ZAN: variants seen among roughly 807,000 people sequenced by gnomAD.
The protein encoded by ZAN is zonadhesin (gene/pseudogene).
A neutral mutation model predicts 286.2 loss-of-function variants in ZAN; 260 were observed. The observed-to-expected ratio is 0.91, with a 90% CI of 0.82 to 1.01. ZAN has a LOEUF of 1.01. Ranked by LOEUF, ZAN falls within the 50% of genes least tolerant of loss-of-function variation. The pLI is 0.00. For synonymous variants in ZAN, 1,368 were observed against 1,417.5 expected, an observed-to-expected ratio of 0.97 and a Z score of 0.79; for missense variants, 3,410 against 3,639.2, an observed-to-expected ratio of 0.94 and a Z score of 1.62.
chr7:100,736,344 C>T, intron 3 of ZAN, 139 bp from the exon 4 acceptor site: 1 of 1,021,302 alleles, frequency 9.8e-7, no homozygotes, highest in East Asian at 2.5e-5. Flanking sequence ...GCTGGGACTA[C>T]AGGTGTGCGC....
chr7:100,758,158 C>G (rs754482890), intron 15 of ZAN, 44 bp from the exon 16 acceptor site: 9 of 1,528,336 alleles, frequency 5.9e-6, no homozygotes, highest in Non-Finnish European at 7.9e-6. Flanking sequence ...GAGAAGTACT[C>G]TAGGAGCTAT....
chr7:100,791,590 A>G (rs1205982921), intron 40 of ZAN, among the ~76,000 whole-genome samples: 1 of 151,784 alleles, frequency 6.6e-6, no homozygotes, highest in African/African-American at 2.4e-5. Flanking sequence ...TATTTTTAGT[A>G]GAGACAGGGT....
At chr7:100,746,905 TC>T (rs1808262026) in intron 8 of ZAN, among the ~76,000 whole-genome samples, 1 of 151,768 alleles carries the variant, frequency 6.6e-6, no homozygotes, top group Admixed American at 6.6e-5. Context: ...ATCGAGACCA[TC>T]CTGGCTAACA....
At position 100,767,418 on chromosome 7, in the gene ZAN, C is replaced by T. The variant is rs186013396; in HGVS notation, c.4860+161C>T. ...CTCTTCTCTGGACTCCCTCCTCCCTCTGTGAAATACCCACCAGCACCAGCC... is the reference window on the plus strand; with the variant it reads ...CTCTTCTCTGGACTCCCTCCTCCCTTTGTGAAATACCCACCAGCACCAGCC... On this transcript the variant is annotated intron_variant, in intron 25 of 47. Transcript: ENST00000613979. Among the ~76,000 whole-genome samples the T allele has an allele frequency of 2.9e-4, 43 of 149,570 alleles. No homozygotes were observed. The East Asian group carries it at 7.9e-3, about 27-fold the overall frequency.
intron 15 of ZAN, among the ~76,000 whole-genome samples, 188 bp downstream of exon 15, chr7:100,755,598 G>A (rs1013612282): frequency 1.3e-4 from 20 of 152,242 alleles, no homozygotes; most frequent in Non-Finnish European, 2.1e-4. Context: ...TTGAGACAGG[G>A]TCTCGCTTTG....
intron 24 of ZAN, 105 bp from the exon 25 acceptor site, chr7:100,766,905 G>T: frequency 6.5e-7 from 1 of 1,547,648 alleles, no homozygotes; most frequent in Non-Finnish European, 8.7e-7. Flanking sequence ...CTGTGGGTGG[G>T]CCGTGGGGAC....
rs1401942471 is a variant in ZAN at position 100,739,021 on chromosome 7, T to TC, written c.766+408_766+409insC. On this transcript the variant is annotated intron_variant, in intron 7 of 47. Coordinates refer to ENST00000613979, the MANE Select transcript of ZAN (RefSeq NM_003386.3). ...TCCTTCTCCTTCTTCTTTTTCTTTT[T>TC]TTTTTTTTGAAGCAGAGTCTCGTTC... 3.0e-5 allele frequency among the ~76,000 whole-genome samples: 2 copies of TC among 67,304 alleles called. 1 individual carries two copies. Among genetic ancestry groups the TC allele is most frequent in the Non-Finnish European group, 9.5e-5 (2 of 21,110 alleles). 44.2% of individuals were successfully genotyped at this position (67,304 alleles called of 152,430 possible).
At chr7:100,766,888 A>G in intron 24 of ZAN, 122 bp from the exon 25 acceptor site, 1 of 1,523,138 alleles carries the variant, frequency 6.6e-7, no homozygotes, top group Non-Finnish European at 8.9e-7. Flanking sequence ...CTAGGGAAAC[A>G]CCACATCTGT....
At chr7:100,754,181 A>C (rs1808986170) in intron 14 of ZAN, among the ~76,000 whole-genome samples, 2 of 152,068 alleles carry the variant, frequency 1.3e-5, no homozygotes. Flanking sequence ...ATTTCTGGCC[A>C]GGCACGGTGG....
intron 45 of ZAN, 145 bp from the exon 46 acceptor site, chr7:100,797,221 T>C: frequency 1.4e-6 from 1 of 738,858 alleles, no homozygotes; most frequent in Non-Finnish European, 2.3e-6. Context: ...GGTGAGAACC[T>C]CCTGGAGGAA....
chr7:100,744,419 C>A (rs1351830372), intron 7 of ZAN, among the ~76,000 whole-genome samples: 2 of 150,260 alleles, frequency 1.3e-5, no homozygotes, highest in African/African-American at 4.9e-5. Context: ...GCCAACATAG[C>A]GAAACCCGTC....
At position 100,768,732 on chromosome 7, in the gene ZAN, G is replaced by A. The variant is rs1242023915; in HGVS notation, c.5153+11G>A. 1.9e-6 allele frequency: 3 copies of A among 1,580,544 alleles called. No homozygotes were observed. Among genetic ancestry groups the A allele is most frequent in the Non-Finnish European group, 2.6e-6 (3 of 1,162,978 alleles). ...ATCCTCTGAACCTGGGTGAGCTGGG[G>A]GTCAGGGGAGCCAGGCAGGAGGGGC... On this transcript the variant is annotated intron_variant, in intron 27 of 47. Transcript: ENST00000613979.
At chr7:100,793,432 G>A (rs1272874655) in intron 42 of ZAN, among the ~76,000 whole-genome samples, 2 of 152,030 alleles carry the variant, frequency 1.3e-5, no homozygotes, top group African/African-American at 4.8e-5. Flanking sequence ...AACGCTGAGT[G>A]TTTTTGTTTT....
At chr7:100,780,052 G>A (rs1442208151) in intron 35 of ZAN, among the ~76,000 whole-genome samples, 1 of 152,052 alleles carries the variant, frequency 6.6e-6, no homozygotes, top group Non-Finnish European at 1.5e-5. Flanking sequence ...AATTAGCCGG[G>A]TGTGGTGGCA....
chr7:100,776,312 T>TGAAG, intron 33 of ZAN, 128 bp from the exon 34 acceptor site: 12 of 1,278,528 alleles, frequency 9.4e-6, no homozygotes, highest in South Asian at 7.6e-5. Flanking sequence ...GAGTGAAACT[T>TGAAG]GAAGGAAGGG....
chr7:100,769,718 A>G (rs189196528), intron 27 of ZAN, among the ~76,000 whole-genome samples, 162 bp from the exon 28 acceptor site: 3 of 151,628 alleles, frequency 2.0e-5, no homozygotes, highest in East Asian at 3.9e-4. Flanking sequence ...CTAATTTTTA[A>G]AAATTTTGTG....
Position 100,788,085 on chromosome 7 carries a change from T to A in ZAN, c.7176T>A (p.Ile2392=), listed in dbSNP as rs1811692645. ...GCTCCATCTTCTTGCAGGAAGTGAT[T>A]ACCACCGTCTACGGCTATAAAGTGC... ...PRSSIFLQEV[I]TTVYGYKVQL... The change falls in exon 38 of 48, where the codon ATT becomes ATA. Residue 2392 remains isoleucine, a synonymous_variant. Transcript: ENST00000613979. 1 of 1,575,986 alleles carries A rather than the reference T, an allele frequency of 6.3e-7. No homozygotes were observed. Among genetic ancestry groups the A allele is most frequent in the African/African-American group, 1.3e-5 (1 of 74,540 alleles).
At chr7:100,734,285 G>C in intron 2 of ZAN, 64 bp downstream of exon 2, 1 of 1,170,292 alleles carries the variant, frequency 8.5e-7, no homozygotes, top group South Asian at 1.4e-5. Flanking sequence ...AAGGAATATG[G>C]AAGGACAGAG....
In ZAN at chr7:100,791,948, T is replaced by C; in HGVS notation, c.7530-18T>C. 1 of 1,601,686 alleles carries C rather than the reference T, an allele frequency of 6.2e-7. No individual in the cohort carries two copies. The highest frequency in any genetic ancestry group is 8.5e-7 in the Non-Finnish European group (1 of 1,173,590). On this transcript the variant is annotated intron_variant, in intron 40 of 47. Transcript: ENST00000613979. ...TTCCTTGGGGCCTCACCTGACCCCG[T>C]GGCTGTCTCTACTGCAGGGCTATAC...
Sources: allele counts gnomAD v4.1 joint callset (sites outside exome capture counted in the v4.1 genomes callset), GRCh38; gene constraint gnomAD v4.1.1; transcripts MANE v1.5; gene names NCBI Gene and HGNC (gene_info 2026-07-23, HGNC 2026-07-21).